FCRL2: variants seen among roughly 807,000 people sequenced by gnomAD.
FCRL2 encodes the protein Fc receptor-like protein 2.
In FCRL2, 48 loss-of-function variants were observed where a neutral mutation model predicts 59.8. That is an observed-to-expected ratio of 0.80 (90% CI 0.64 to 1.02). The LOEUF is 1.02. Among genes scored for constraint, FCRL2 ranks in the 50% least tolerant of loss-of-function variants. The pLI is 0.00. For synonymous variants in FCRL2, 251 were observed against 229.5 expected, an observed-to-expected ratio of 1.09 and a Z score of -0.85; for missense variants, 658 against 597.3, an observed-to-expected ratio of 1.10 and a Z score of -1.06.
rs1571242381 is a variant in FCRL2 at position 157,746,558 on chromosome 1, G to A, written c.*178C>T. 3 of 615,612 alleles carry A rather than the reference G, an allele frequency of 4.9e-6. No individual in the cohort carries two copies. Among genetic ancestry groups the A allele is most frequent in the Middle Eastern group, 4.3e-4 (1 of 2,302 alleles). The allele number at this position is 615,612 out of a possible 1,614,324, so 38.1% of individuals were successfully genotyped here. ...AGCAGCAGTTCAATGAATATTGATA[G>A]GTAAAAGAAGATATTGGAGAAGAAA... is the stretch of plus-strand genomic sequence containing the variant. On this transcript the variant is annotated 3_prime_UTR_variant, in exon 12 of 12. Transcript: ENST00000361516.
At chr1:157,753,681 G>C (rs1648369367) in intron 7 of FCRL2, among the ~76,000 whole-genome samples, 3 of 152,182 alleles carry the variant, frequency 2.0e-5, no homozygotes. Flanking sequence ...TTGGTGGTTA[G>C]ATGAATCTTC....
At chr1:157,771,592 A>G (rs1379558605) in intron 2 of FCRL2, among the ~76,000 whole-genome samples, 1 of 152,228 alleles carries the variant, frequency 6.6e-6, no homozygotes, top group Non-Finnish European at 1.5e-5. Context: ...CATATAAAGA[A>G]AAAAGCTATT....
chr1:157,760,680 A>AAGG (rs1249220096), intron 7 of FCRL2, among the ~76,000 whole-genome samples: 2 of 117,424 alleles, frequency 1.7e-5, no homozygotes, highest in African/African-American at 8.5e-5. Flanking sequence ...GGAAGGAAGG[A>AAGG]AAGAAAGAAA....
intron 7 of FCRL2, among the ~76,000 whole-genome samples, chr1:157,756,039 T>C (rs574034650): frequency 3.3e-4 from 50 of 152,370 alleles, no homozygotes; most frequent in Middle Eastern, 6.8e-3. Context: ...TGGGCCACTC[T>C]GAAAGGGACT....
chr1:157,775,525 C>T (rs112122000), intron 2 of FCRL2, among the ~76,000 whole-genome samples: 87 of 152,256 alleles, frequency 5.7e-4, no homozygotes, highest in African/African-American at 2.0e-3. Context: ...ATGTTATTGC[C>T]CTTCTTAAAG....
At chr1:157,748,318 G>C (rs1571245948) in intron 10 of FCRL2, among the ~76,000 whole-genome samples, 1 of 152,188 alleles carries the variant, frequency 6.6e-6, no homozygotes, top group African/African-American at 2.4e-5. Context: ...GTCTGAGAGA[G>C]GAAAATCAAG....
intron 7 of FCRL2, among the ~76,000 whole-genome samples, chr1:157,756,652 C>A (rs530672023): frequency 8.8e-5 from 13 of 147,122 alleles, no homozygotes; most frequent in African/African-American, 3.3e-4. Context: ...GCACTCTGGC[C>A]TGAGTAGCAC....
Position 157,767,346 on chromosome 1 carries a change from T to C in FCRL2, c.1047A>G (p.Gly349=), listed in dbSNP as rs773202959. Residue 349 remains glycine, a synonymous_variant, in exon 6 of 12, where the codon GGA becomes GGG. Transcript: ENST00000361516. ...AAGAGAGGTTGAAGGAGGCCCCTCC[T>C]CCAGAGGGGGCCGAGCTGTTCCCAA... The part of the protein sequence containing the change: ...VTLGNSSAPS[G]GGASFNLSLT... 6.2e-7 allele frequency: 1 copy of C among 1,614,080 alleles called. No individual in the cohort carries two copies. Among genetic ancestry groups the C allele is most frequent in the Non-Finnish European group, 8.5e-7 (1 of 1,180,040 alleles).
At position 157,768,450 on chromosome 1, in the gene FCRL2, G is replaced by C. The variant is rs767963189; in HGVS notation, c.847C>G (p.Pro283Ala). ...ATATTCACCACCTTGCTCTGGATAGGCACATGGCCGTTGTCAGCTCTACAG... is the reference window on the plus strand; with the variant it reads ...ATATTCACCACCTTGCTCTGGATAGCCACATGGCCGTTGTCAGCTCTACAG... ...YYCRADNGHV[P>A]IQSKVVNIPV... is the part of the protein sequence containing the mutation. Residue 283 changes from proline (P) to alanine (A), a missense_variant, in exon 5 of 12, where the codon CCT becomes GCT. Transcript: ENST00000361516. 3 of 1,614,036 alleles carry C rather than the reference G, an allele frequency of 1.9e-6. No homozygotes were observed. The highest frequency in any genetic ancestry group is 2.7e-5 in the African/African-American group (2 of 74,920).
Position 157,770,455 on chromosome 1 carries a change from G to C in FCRL2, c.264C>G (p.Leu88=), listed in dbSNP as rs1419301745. ...TATTTGAAGTTTTATCCCAGAGAAA[G>C]AGTTGTCCTTTGGTACTACAGAAAT... ...GNYFCSTKGQ[L]FLWDKTSNIV... The change falls in exon 3 of 12, where the codon CTC becomes CTG. Residue 88 remains leucine (L), a synonymous_variant. Transcript: ENST00000361516. 2 of 1,614,114 alleles carry C rather than the reference G, an allele frequency of 1.2e-6. No individual in the cohort carries two copies. The highest frequency in any genetic ancestry group is 2.2e-5 in the East Asian group (1 of 44,888).
At chr1:157,758,031 G>A (rs576825984) in intron 7 of FCRL2, among the ~76,000 whole-genome samples, 86 of 152,326 alleles carry the variant, frequency 5.6e-4, no homozygotes, top group African/African-American at 2.0e-3. Flanking sequence ...GCTATCCCAA[G>A]AAGACCAACA....
At chr1:157,760,587 A>G (rs1648946126) in intron 7 of FCRL2, among the ~76,000 whole-genome samples, 1 of 151,286 alleles carries the variant, frequency 6.6e-6, no homozygotes, top group African/African-American at 2.4e-5. Flanking sequence ...AAGATTGTTC[A>G]TTGCACTCCA....
At chr1:157,772,189 T>A (rs909060295) in intron 2 of FCRL2, among the ~76,000 whole-genome samples, 2 of 150,618 alleles carry the variant, frequency 1.3e-5, no homozygotes, top group African/African-American at 4.9e-5. Flanking sequence ...ACTGATACAG[T>A]CTTCCTCCAC....
At chr1:157,757,137 C>T (rs1373548248) in intron 7 of FCRL2, among the ~76,000 whole-genome samples, 1 of 152,184 alleles carries the variant, frequency 6.6e-6, no homozygotes, top group African/African-American at 2.4e-5. Context: ...GACCATATGA[C>T]TTACTTTTTG....
chr1:157,753,105 A>T (rs72710003), intron 7 of FCRL2, among the ~76,000 whole-genome samples: 5,334 of 152,316 alleles, frequency 0.035, 137 homozygotes, highest in Middle Eastern at 0.082. Context: ...GAATAGTATC[A>T]GATATTTAGT....
intron 7 of FCRL2, among the ~76,000 whole-genome samples, chr1:157,757,865 G>A (rs1480409316): frequency 6.6e-6 from 1 of 152,228 alleles, no homozygotes; most frequent in Non-Finnish European, 1.5e-5. Context: ...GGGAGGATGA[G>A]GCAGGAGAAT....
intron 7 of FCRL2, among the ~76,000 whole-genome samples, chr1:157,761,279 CA>C (rs912225811): frequency 1.3e-5 from 2 of 152,012 alleles, no homozygotes; most frequent in African/African-American, 2.4e-5. Context: ...TGAGTGAGCA[CA>C]AAAAAACCCA....
chr1:157,770,116 G>A lies in FCRL2; in HGVS notation c.345C>T (p.Ser115=). The A allele has an allele frequency of 6.2e-7, 1 of 1,614,150 alleles. No individual in the cohort carries two copies. The highest frequency in any genetic ancestry group is 8.5e-7 in the Non-Finnish European group (1 of 1,180,032). Residue 115 remains serine (S), a synonymous_variant, in exon 4 of 12, where the codon TCC becomes TCT. Transcript: ENST00000361516. ...LFQRPVLTAS[S]FQPIEGGPVS... ...CTGGACCCCCTTCGATGGGCTGGAA[G>A]GAGCTGGCAGTCAGCACAGGACGTT...
At chr1:157,766,662 A>G in intron 7 of FCRL2, 193 bp downstream of exon 7, 1 of 766,754 alleles carries the variant, frequency 1.3e-6, no homozygotes, top group Non-Finnish European at 2.0e-6. Context: ...CACAGGGAAC[A>G]GTGACATATT....
Sources: allele counts gnomAD v4.1 joint callset (sites outside exome capture counted in the v4.1 genomes callset), GRCh38; gene constraint gnomAD v4.1.1; transcripts MANE v1.5; gene names NCBI Gene and HGNC (gene_info 2026-07-23, HGNC 2026-07-21).